SNTG2: variants seen among roughly 807,000 people sequenced by gnomAD.
The protein encoded by SNTG2 is syntrophin gamma 2, also known as gamma-2-syntrophin.
SNTG2 carries 74 observed loss-of-function variants against 70.9 expected under a neutral mutation model. That is an observed-to-expected ratio of 1.04 (90% CI 0.86 to 1.27). The LOEUF (loss-of-function observed/expected upper bound fraction) is 1.27. SNTG2 is among the 50% of genes most tolerant of loss of function. The pLI is 0.00. For synonymous variants in SNTG2, 278 were observed against 273.8 expected, an observed-to-expected ratio of 1.02 and a Z score of -0.15; for missense variants, 717 against 690.7, an observed-to-expected ratio of 1.04 and a Z score of -0.43.
chr2:1,365,474 T>C (rs548021041), intron 16 of SNTG2, among the ~76,000 whole-genome samples: 1 of 152,214 alleles, frequency 6.6e-6, no homozygotes, highest in African/African-American at 2.4e-5. Context: ...CACTAGGAGG[T>C]TGGGGGCAGC....
intron 4 of SNTG2, among the ~76,000 whole-genome samples, chr2:1,120,643 G>A (rs114450068): frequency 0.013 from 1,960 of 152,132 alleles, 35 homozygotes; most frequent in African/African-American, 0.042. Flanking sequence ...AAATCAAACT[G>A]GTCACAAGAG....
intron 14 of SNTG2, among the ~76,000 whole-genome samples, chr2:1,271,057 A>G (rs1558619449): frequency 6.6e-6 from 1 of 152,180 alleles, no homozygotes; most frequent in Admixed American, 6.5e-5. Flanking sequence ...AAAGTTCTCC[A>G]TCATCAGGAT....
At chr2:1,091,541 A>G (rs578134116) in intron 2 of SNTG2, among the ~76,000 whole-genome samples, 6 of 152,178 alleles carry the variant, frequency 3.9e-5, no homozygotes, top group Admixed American at 1.3e-4. Flanking sequence ...TGCAGCTCCC[A>G]GAGACCCCAG....
At chr2:1,047,085 T>C (rs1304534691) in intron 1 of SNTG2, among the ~76,000 whole-genome samples, 2 of 152,224 alleles carry the variant, frequency 1.3e-5, no homozygotes, top group South Asian at 4.1e-4. Context: ...ACTGTGTTAA[T>C]TCAAAGAACT....
intron 1 of SNTG2, among the ~76,000 whole-genome samples, chr2:966,374 T>C (rs1428020696): frequency 6.6e-6 from 1 of 152,242 alleles, no homozygotes; most frequent in Non-Finnish European, 1.5e-5. Context: ...TTTTGTCTTT[T>C]TTTAACCTTG....
intron 8 of SNTG2, among the ~76,000 whole-genome samples, chr2:1,182,269 T>C (rs1041249356): frequency 6.6e-6 from 1 of 151,888 alleles, no homozygotes; most frequent in Non-Finnish European, 1.5e-5. Flanking sequence ...TAGTTTTCCT[T>C]TGTAAGAAAC....
rs375305128 is a variant in SNTG2 at position 1,196,726 on chromosome 2, T to A, written c.592-12377T>A. 2.6e-5 allele frequency among the ~76,000 whole-genome samples: 4 copies of A among 152,056 alleles called. No homozygotes were observed. The South Asian group carries it at 8.3e-4, about 32-fold the overall frequency. On this transcript the variant is annotated intron_variant, in intron 8 of 16. Coordinates refer to ENST00000308624, the MANE Select transcript of SNTG2 (RefSeq NM_018968.4). The stretch of plus-strand genomic sequence containing the variant: ...GGCTGGGAGAAAATGAGATGATACA[T>A]TCAAAGTACTAAAAGAAAAAAAACA...
chr2:1,326,831 A>G (rs1179969558), intron 16 of SNTG2, among the ~76,000 whole-genome samples: 1 of 151,880 alleles, frequency 6.6e-6, no homozygotes, highest in Non-Finnish European at 1.5e-5. Flanking sequence ...CCTCTTACAC[A>G]TTTTTCCATT....
chr2:1,201,400 G>T (rs112447866), intron 8 of SNTG2, among the ~76,000 whole-genome samples: 35 of 151,614 alleles, frequency 2.3e-4, no homozygotes, highest in East Asian at 1.7e-3. Context: ...GAAAGGGTGT[G>T]GGGGGAGGTG....
chr2:1,081,330 C>CA (rs773773997), intron 1 of SNTG2, among the ~76,000 whole-genome samples: 4 of 152,190 alleles, frequency 2.6e-5, no homozygotes, highest in Non-Finnish European at 5.9e-5. Flanking sequence ...GAACGCACAT[C>CA]AAAGTCAGGC....
intron 1 of SNTG2, among the ~76,000 whole-genome samples, chr2:988,795 G>A (rs1040028683): frequency 3.3e-5 from 5 of 151,892 alleles, no homozygotes; most frequent in African/African-American, 1.2e-4. Flanking sequence ...AACACCTGGT[G>A]CCATTTTAAT....
intron 2 of SNTG2, among the ~76,000 whole-genome samples, chr2:1,089,981 G>C (rs777382693): frequency 6.6e-6 from 1 of 152,156 alleles, no homozygotes; most frequent in Non-Finnish European, 1.5e-5. Flanking sequence ...TGGCCTTTCG[G>C]TACTGATGCT....
intron 4 of SNTG2, among the ~76,000 whole-genome samples, chr2:1,136,259 G>A (rs934401184): frequency 5.3e-5 from 8 of 151,810 alleles, no homozygotes; most frequent in African/African-American, 2.4e-5. Context: ...GCCTACCCTC[G>A]TGTGGCTAGA....
At chr2:1,193,191 G>A (rs901121241) in intron 8 of SNTG2, among the ~76,000 whole-genome samples, 1 of 152,200 alleles carries the variant, frequency 6.6e-6, no homozygotes, top group African/African-American at 2.4e-5. Flanking sequence ...CTGTTTCAAA[G>A]TTGCTCCTTA....
intron 6 of SNTG2, among the ~76,000 whole-genome samples, chr2:1,162,023 C>A (rs112250667): frequency 2.4e-4 from 31 of 131,120 alleles, no homozygotes; most frequent in South Asian, 4.7e-4. Flanking sequence ...GCAGTGGGCC[C>A]AGATGGCGCC....
intron 1 of SNTG2, among the ~76,000 whole-genome samples, chr2:958,593 C>A (rs1306355005): frequency 6.6e-6 from 1 of 152,102 alleles, no homozygotes; most frequent in African/African-American, 2.4e-5. Context: ...AAAAAGAAAA[C>A]CTCTAAAGTC....
chr2:962,310 G>A (rs867475897), intron 1 of SNTG2, among the ~76,000 whole-genome samples: 15 of 130,002 alleles, frequency 1.2e-4, no homozygotes, highest in African/African-American at 3.9e-4. Flanking sequence ...GGTCTTAAGC[G>A]ACCCTCCTGC....
intron 6 of SNTG2, among the ~76,000 whole-genome samples, chr2:1,165,099 A>G (rs1670619815): frequency 6.6e-6 from 1 of 152,260 alleles, no homozygotes. Flanking sequence ...TTGAAGTGAT[A>G]GCCACTAATT....
intron 14 of SNTG2, among the ~76,000 whole-genome samples, chr2:1,270,635 A>G (rs2148189201): frequency 6.6e-6 from 1 of 152,306 alleles, no homozygotes. Flanking sequence ...CTCACATGTG[A>G]CAGAAACAAA....
Sources: allele counts gnomAD v4.1 joint callset (sites outside exome capture counted in the v4.1 genomes callset), GRCh38; gene constraint gnomAD v4.1.1; transcripts MANE v1.5; gene names NCBI Gene and HGNC (gene_info 2026-07-23, HGNC 2026-07-21).